C10orf120: variants seen among roughly 807,000 people sequenced by gnomAD.
C10orf120 encodes uncharacterized protein C10orf120.
Under a neutral mutation model 10.8 loss-of-function variants are expected in C10orf120, and 15 were observed. The observed-to-expected ratio is 1.39, with a 90% CI of 0.93 to 2.14. The LOEUF (loss-of-function observed/expected upper bound fraction) is 2.14, where lower values mean the gene tolerates loss of function less well. C10orf120 is among the 30% of genes most tolerant of loss of function. The pLI, the probability that C10orf120 is intolerant of heterozygous loss-of-function variation, is 0.00. For missense variants in C10orf120, 447 were observed against 411.3 expected (o/e 1.09, Z -0.75); for synonymous variants, 141 against 138.9 (o/e 1.02, Z -0.11).
At position 122,697,758 on chromosome 10, in the gene C10orf120, C is replaced by A. The variant is rs1249966179; in HGVS notation, c.983G>T (p.Arg328Leu). 2 of 1,613,956 alleles carry A rather than the reference C, an allele frequency of 1.2e-6. No individual in the cohort carries two copies. The highest frequency in any genetic ancestry group is 1.7e-6 in the Non-Finnish European group (2 of 1,179,990). Residue 328 changes from arginine to leucine, a missense_variant, in exon 3 of 3, where the codon CGT (arginine) becomes CTT (leucine). Coordinates refer to ENST00000329446, the MANE Select transcript of C10orf120 (RefSeq NM_001010912.4). Reference sequence around the variant, plus strand: ...TTAATAATGATAAGGAGTTGCTTTACGCATGCGCTCTTTCCAGATACTCTC... The same window carrying A: ...TTAATAATGATAAGGAGTTGCTTTAAGCATGCGCTCTTTCCAGATACTCTC... ...EEESIWKERM[R>L]KATPYHY
chr10:122,698,218 G>T lies in C10orf120; in HGVS notation c.523C>A (p.Arg175=), dbSNP rs577934787. The T allele has an allele frequency of 6.2e-7, 1 of 1,613,790 alleles. No homozygotes were observed. The highest frequency in any genetic ancestry group is 1.1e-5 in the South Asian group (1 of 91,030). ...AAAGGCTGATGATTTCCCAGAGCCC[G>T]AGCAAGCCTCATCCTCTCTATGTGC... ...SKHIERMRLA[R]ALGNHQPLPY... Residue 175 remains arginine, a synonymous_variant, in exon 3 of 3, where the codon CGG becomes AGG. Coordinates refer to ENST00000329446, the MANE Select transcript of C10orf120 (RefSeq NM_001010912.4).
Position 122,699,730 on chromosome 10 carries a change from T to C in C10orf120, c.61A>G (p.Met21Val). ...TTTTCATTCTTCCTTTCTTGCACCA[T>C]TGTGTCACTAGCCCTCTGTTTTTCA... is the stretch of plus-strand genomic sequence containing the variant. Reference protein sequence around the residue: ...RIEKQRASDTMVQERKNEKPV... With the variant: ...RIEKQRASDTVVQERKNEKPV... The change falls in exon 1 of 3, where the codon ATG (methionine) becomes GTG (valine). Residue 21 changes from methionine (M) to valine (V), a missense_variant. Coordinates refer to ENST00000329446, the MANE Select transcript of C10orf120 (RefSeq NM_001010912.4). 3.1e-6 allele frequency: 5 copies of C among 1,614,136 alleles called. No homozygotes were observed. The highest frequency in any genetic ancestry group is 3.4e-6 in the Non-Finnish European group (4 of 1,179,954).
Position 122,697,773 on chromosome 10 carries a change from C to T in C10orf120, c.968G>A (p.Trp323Ter), listed in dbSNP as rs1845805636. ...KTYSLEEESIWKERMRKATPY... is the reference protein window; with the variant it reads ...KTYSLEEESI Reference sequence around the variant, plus strand: ...AGTTGCTTTACGCATGCGCTCTTTCCAGATACTCTCTTCTTCCAGGCTGTA... The same window carrying T: ...AGTTGCTTTACGCATGCGCTCTTTCTAGATACTCTCTTCTTCCAGGCTGTA... Residue 323 changes from tryptophan to a stop codon, truncating the protein, a stop_gained, in exon 3 of 3, where the codon TGG becomes TAG. Transcript: ENST00000329446. LOFTEE classifies it low-confidence loss of function (END_TRUNC). 5 of 1,614,020 alleles carry T rather than the reference C, an allele frequency of 3.1e-6. No individual in the cohort carries two copies. The highest frequency in any genetic ancestry group is 1.3e-5 in the African/African-American group (1 of 74,938).
At chr10:122,698,951 C>A (rs1845824688) in intron 2 of C10orf120, among the ~76,000 whole-genome samples, 1 of 149,300 alleles carries the variant, frequency 6.7e-6, no homozygotes, top group South Asian at 2.2e-4. Context: ...AAGGTGAAAC[C>A]CCGTCTCTAC....
Position 122,697,739 on chromosome 10 carries a change from A to C in C10orf120, c.1002T>G (p.His334Gln). The C allele has an allele frequency of 1.2e-6, 2 of 1,613,924 alleles. No homozygotes were observed. Among genetic ancestry groups the C allele is most frequent in the Non-Finnish European group, 1.7e-6 (2 of 1,179,942 alleles). ...KERMRKATPY[H>Q]Y ...CTGGGCAACAAATAAAACTTTAATA[A>C]TGATAAGGAGTTGCTTTACGCATGC... The change falls in exon 3 of 3, where the codon CAT becomes CAG. Residue 334 changes from histidine (H) to glutamine (Q), a missense_variant. Coordinates refer to ENST00000329446, the MANE Select transcript of C10orf120 (RefSeq NM_001010912.4).
At chr10:122,699,068 A>G (rs1276202029) in intron 2 of C10orf120, among the ~76,000 whole-genome samples, 1 of 130,968 alleles carries the variant, frequency 7.6e-6, no homozygotes, top group Non-Finnish European at 1.6e-5. Flanking sequence ...CGGGAAGCGG[A>G]GCTTGCAGTG....
rs759844183 is a variant in C10orf120 at position 122,698,265 on chromosome 10, CGTT to C, written c.473_475del (p.Gln158del). The C allele has an allele frequency of 1.2e-6, 2 of 1,614,200 alleles. No individual in the cohort carries two copies. The highest frequency in any genetic ancestry group is 1.7e-6 in the Non-Finnish European group (2 of 1,180,040). ...GTGCTTACTGACGTTCACCTGCTCT[CGTT>C]GTGGCATTTTAAATGCCTCCAGGGG... On this transcript the variant is annotated inframe_deletion, in exon 3 of 3. Transcript: ENST00000329446.
chr10:122,698,225 C>G lies in C10orf120; in HGVS notation c.516G>C (p.Arg172Ser), dbSNP rs201845744. Residue 172 changes from arginine to serine, a missense_variant, in exon 3 of 3, where the codon AGG (arginine) becomes AGC (serine). Physicochemically the swap from Arg to Ser is moderately radical, Grantham distance 110. Transcript: ENST00000329446. ...GATGATTTCCCAGAGCCCGAGCAAG[C>G]CTCATCCTCTCTATGTGCTTACTGA... is the stretch of plus-strand genomic sequence containing the variant. ...VNVSKHIERM[R>S]LARALGNHQP... The G allele has an allele frequency of 6.2e-7, 1 of 1,613,878 alleles. No homozygotes were observed. The highest frequency in any genetic ancestry group is 8.5e-7 in the Non-Finnish European group (1 of 1,179,978).
At chr10:122,698,611 A>G in intron 2 of C10orf120, 123 bp from the exon 3 acceptor site, 1 of 846,168 alleles carries the variant, frequency 1.2e-6, no homozygotes, top group Non-Finnish European at 1.9e-6. Context: ...CTGTAGTGGA[A>G]AACAGGTGAA....
Position 122,698,452 on chromosome 10 carries a change from G to A in C10orf120, c.289C>T (p.Leu97Phe). 1 of 1,614,158 alleles carries A rather than the reference G, an allele frequency of 6.2e-7. No individual in the cohort carries two copies. Among genetic ancestry groups the A allele is most frequent in the Admixed American group, 1.7e-5 (1 of 60,022 alleles). The change falls in exon 3 of 3, where the codon CTT becomes TTT. Residue 97 changes from leucine (L) to phenylalanine (F), a missense_variant. Transcript: ENST00000329446. ...TCTTCCTCTTGCTTGTAAGCCAAAA[G>A]CCTTCTTGCTGCTATGGTGTGAATG... is the stretch of plus-strand genomic sequence containing the variant. ...GGIHTIAARR[L>F]LAYKQEEECR... is the part of the protein sequence containing the mutation.
At chr10:122,699,165 A>AC (rs1845827473) in intron 2 of C10orf120, among the ~76,000 whole-genome samples, 172 bp downstream of exon 2, 2 of 150,196 alleles carry the variant, frequency 1.3e-5, no homozygotes, top group Non-Finnish European at 3.0e-5. Context: ...AAAAAAAAAA[A>AC]AAAAGAGTAT....
chr10:122,699,236 A>T, intron 2 of C10orf120, 101 bp downstream of exon 2: 1 of 602,796 alleles, frequency 1.7e-6, no homozygotes, highest in Non-Finnish European at 3.0e-6. Context: ...ACTGTTTGAG[A>T]GGCAGCTCTG....
intron 2 of C10orf120, among the ~76,000 whole-genome samples, 186 bp downstream of exon 2, chr10:122,699,151 A>AAAAAAAAAAAAAC (rs1845827339): frequency 6.7e-6 from 1 of 148,816 alleles, no homozygotes; most frequent in African/African-American, 2.5e-5. Flanking sequence ...AAAAAAAAAA[A>AAAAAAAAAAAAAC]AAAAAAAAAA....
At chr10:122,698,898 G>C (rs979143022) in intron 2 of C10orf120, among the ~76,000 whole-genome samples, 1 of 151,038 alleles carries the variant, frequency 6.6e-6, no homozygotes, top group Non-Finnish European at 1.5e-5. Context: ...AGGCCGAGGC[G>C]GGTGGATCAT....
intron 2 of C10orf120, among the ~76,000 whole-genome samples, 182 bp downstream of exon 2, chr10:122,699,140 CAAAAAAAAAAAAAAA>C (rs67633673): frequency 1.4e-4 from 3 of 21,830 alleles, no homozygotes; most frequent in Non-Finnish European, 2.4e-4. Flanking sequence ...GACTCCGTCT[CAAAAAAAAAAAAAAA>C]AAAAAAAAAA....
At position 122,698,113 on chromosome 10, in the gene C10orf120, G is replaced by C. The variant is rs200069810; in HGVS notation, c.628C>G (p.Arg210Gly). 1 of 1,613,214 alleles carries C rather than the reference G, an allele frequency of 6.2e-7. No homozygotes were observed. The highest frequency in any genetic ancestry group is 1.1e-5 in the South Asian group (1 of 90,976). The stretch of plus-strand genomic sequence containing the variant: ...TGGGTGTCATAGTTGTCTTCCTTTC[G>C]TCTGGCCTTATTTTTTGCCATTGGA... ...LGPMAKNKAR[R>G]KEDNYDTHNC... The change falls in exon 3 of 3, where the codon CGA (arginine) becomes GGA (glycine). Residue 210 changes from arginine (R) to glycine (G), a missense_variant. Arg to Gly is a moderately radical substitution (Grantham distance 125). Coordinates refer to ENST00000329446, the MANE Select transcript of C10orf120 (RefSeq NM_001010912.4).
rs146429924 is a variant in C10orf120 at position 122,697,880 on chromosome 10, T to C, written c.861A>G (p.Ile287Met). The change falls in exon 3 of 3, where the codon ATA (isoleucine) becomes ATG (methionine). Residue 287 changes from isoleucine (I) to methionine (M), a missense_variant. Ile to Met is a conservative substitution (Grantham distance 10). Transcript: ENST00000329446. ...AGLTNRNLFC[I>M]SEFPGDLMLM... is the part of the protein sequence containing the mutation. ...GCATTAAGTCACCAGGGAATTCTGA[T>C]ATGCAGAAAAGATTTCGGTTTGTTA... is the stretch of plus-strand genomic sequence containing the variant. The C allele has an allele frequency of 1.9e-6, 3 of 1,614,116 alleles. No homozygotes were observed. The African/African-American group carries it at 4.0e-5, about 22-fold the overall frequency.
chr10:122,699,763 G>A lies in C10orf120; in HGVS notation c.28C>T (p.Gln10Ter). The A allele has an allele frequency of 6.2e-7, 1 of 1,613,624 alleles. No homozygotes were observed. The highest frequency in any genetic ancestry group is 8.5e-7 in the Non-Finnish European group (1 of 1,179,762). The change falls in exon 1 of 3, where the codon CAG (glutamine) becomes TAG (stop). Residue 10 changes from glutamine (Q) to a stop codon, truncating the protein, a stop_gained. Coordinates refer to ENST00000329446, the MANE Select transcript of C10orf120 (RefSeq NM_001010912.4). LOFTEE classifies it high-confidence loss of function. ...CTAGCCCTCTGTTTTTCAATCCTCT[G>A]ACAGTCATTCTTCCATTCTCTGATC... MIREWKNDCQRIEKQRASDT... is the reference protein window; with the variant it reads MIREWKNDC
At chr10:122,698,592 T>C in intron 2 of C10orf120, 104 bp from the exon 3 acceptor site, 1 of 1,064,530 alleles carries the variant, frequency 9.4e-7, no homozygotes, top group Non-Finnish European at 1.4e-6. Context: ...GGAAAGTGTT[T>C]GAGCCTCTCT....
Sources: gnomAD v4.1 joint callset for allele counts (sites outside exome capture counted in the v4.1 genomes callset) on GRCh38, gnomAD v4.1.1 for gene constraint, MANE v1.5 for transcripts, NCBI Gene and HGNC (gene_info 2026-07-23, HGNC 2026-07-21) for gene names.